Variants in OSBPL6 observed in about 807,000 individuals in gnomAD.
OSBPL6 encodes the protein oxysterol binding protein like 6, also known as oxysterol-binding protein-related protein 6.
Under a neutral mutation model 125.8 loss-of-function variants are expected in OSBPL6, and 49 were observed. The observed-to-expected ratio is 0.39, with a 90% CI of 0.31 to 0.49. The LOEUF (loss-of-function observed/expected upper bound fraction) is 0.49. OSBPL6 is among the 20% of genes least tolerant of loss of function. The pLI, the probability that OSBPL6 is intolerant of heterozygous loss-of-function variation, is 0.88. For missense variants in OSBPL6, 986 were observed against 1,135.4 expected, an observed-to-expected ratio of 0.87 and a Z score of 1.89; for synonymous variants, 394 against 391.8, an observed-to-expected ratio of 1.01 and a Z score of -0.07.
In OSBPL6 at chr2:178,204,025, C is replaced by CTTTTTTTTTTTT. The variant is rs1166160655; in HGVS notation, c.-351+9358_-351+9369dup. Among the ~76,000 whole-genome samples the CTTTTTTTTTTTT allele has an allele frequency of 4.7e-4, 60 of 128,934 alleles. 1 individual carries two copies. The highest frequency in any genetic ancestry group is 6.6e-4 in the Non-Finnish European group (40 of 60,848). The allele number at this position is 128,934 out of a possible 152,430, so 84.6% of individuals were successfully genotyped here. On this transcript the variant is annotated intron_variant, in intron 1 of 24. Transcript: ENST00000190611. ...ACTGAATTCTTTTCTTTTTCTTTTT[C>CTTTTTTTTTTTT]TTTTTTTTTTTTTTTTTTGAGACAA...
intron 12 of OSBPL6, among the ~76,000 whole-genome samples, chr2:178,355,207 A>G (rs145262757): frequency 0.061 from 9,326 of 152,170 alleles, 363 homozygotes; most frequent in South Asian, 0.15. Context: ...AAATTCAAAA[A>G]CTAGCAGAAG....
intron 11 of OSBPL6, among the ~76,000 whole-genome samples, chr2:178,340,989 A>G (rs1690141036): frequency 6.6e-6 from 1 of 152,162 alleles, no homozygotes; most frequent in Admixed American, 6.5e-5. Flanking sequence ...CTGTTCATAA[A>G]ATTAATATTG....
intron 1 of OSBPL6, among the ~76,000 whole-genome samples, chr2:178,276,743 T>A (rs1284427396): frequency 2.0e-5 from 3 of 151,954 alleles, no homozygotes; most frequent in African/African-American, 7.3e-5. Flanking sequence ...CCTCAGAACT[T>A]CTTCATTTTG....
chr2:178,210,132 G>A lies in OSBPL6; in HGVS notation c.-351+15458G>A, dbSNP rs2089777000. Among the ~76,000 whole-genome samples the A allele has an allele frequency of 2.0e-5, 3 of 152,178 alleles. No individual in the cohort carries two copies. In the South Asian group the frequency reaches 6.2e-4, roughly 32 times the overall value. On this transcript the variant is annotated intron_variant, in intron 1 of 24. Coordinates refer to ENST00000190611, the MANE Select transcript of OSBPL6 (RefSeq NM_032523.4). The stretch of plus-strand genomic sequence containing the variant: ...CCTCCCGGGTTGAAGAGATTCTCCT[G>A]CCTCAGCGTCCTGAGTAGCTGGGAT...
At chr2:178,235,144 G>T (rs1033227576) in intron 1 of OSBPL6, among the ~76,000 whole-genome samples, 1 of 152,112 alleles carries the variant, frequency 6.6e-6, no homozygotes, top group Admixed American at 6.5e-5. Flanking sequence ...ACAGTATGCA[G>T]TAGAATATAT....
intron 1 of OSBPL6, among the ~76,000 whole-genome samples, chr2:178,246,365 T>G (rs1039039062): frequency 6.6e-6 from 1 of 152,146 alleles, no homozygotes; most frequent in Non-Finnish European, 1.5e-5. Flanking sequence ...CCTGTGGCTC[T>G]GGGCACCTTC....
chr2:178,238,486 C>T (rs906768340), intron 1 of OSBPL6, among the ~76,000 whole-genome samples: 2 of 151,994 alleles, frequency 1.3e-5, no homozygotes, highest in African/African-American at 4.8e-5. Context: ...CCATAAAGTA[C>T]CTCTTTTAAG....
At chr2:178,251,392 A>G (rs1328085157) in intron 1 of OSBPL6, among the ~76,000 whole-genome samples, 2 of 151,504 alleles carry the variant, frequency 1.3e-5, no homozygotes, top group African/African-American at 4.9e-5. Flanking sequence ...GCTCCTCTCA[A>G]CTAGAAGAAT....
chr2:178,344,246 C>T (rs1559271210), intron 11 of OSBPL6: 44 of 1,530,500 alleles, frequency 2.9e-5, no homozygotes, highest in Non-Finnish European at 3.4e-5. Context: ...TTTCCTCCCC[C>T]GTCCTGTGTT....
intron 15 of OSBPL6, among the ~76,000 whole-genome samples, chr2:178,378,867 T>C (rs1313722885): frequency 6.6e-6 from 1 of 152,086 alleles, no homozygotes; most frequent in Non-Finnish European, 1.5e-5. Context: ...TGGGAGAGAT[T>C]AGAAATTGAA....
intron 1 of OSBPL6, among the ~76,000 whole-genome samples, chr2:178,226,796 CT>C (rs1375291033): frequency 6.6e-6 from 1 of 152,066 alleles, no homozygotes; most frequent in Non-Finnish European, 1.5e-5. Context: ...CCTTAGTTTT[CT>C]TTAAGACTTT....
At chr2:178,380,620 A>G (rs1321489147) in intron 15 of OSBPL6, among the ~76,000 whole-genome samples, 1 of 152,128 alleles carries the variant, frequency 6.6e-6, no homozygotes, top group African/African-American at 2.4e-5. Context: ...CAGGAGAGCA[A>G]TTTGGCAACA....
intron 1 of OSBPL6, among the ~76,000 whole-genome samples, chr2:178,236,576 G>A (rs144089954): frequency 2.6e-5 from 4 of 152,234 alleles, no homozygotes; most frequent in Non-Finnish European, 4.4e-5. Flanking sequence ...ATGTGCTGTG[G>A]GAGATACCAG....
intron 1 of OSBPL6, among the ~76,000 whole-genome samples, chr2:178,217,349 A>C (rs1027453506): frequency 6.6e-6 from 1 of 152,238 alleles, no homozygotes; most frequent in Admixed American, 6.5e-5. Flanking sequence ...GAGGCATGAC[A>C]AATACCATGA....
At chr2:178,388,867 A>T (rs1347669100) in intron 20 of OSBPL6, 142 bp from the exon 21 acceptor site, 5 of 865,246 alleles carry the variant, frequency 5.8e-6, no homozygotes, top group African/African-American at 1.7e-5. Context: ...ATACTTAATG[A>T]CCACAGAGAG....
chr2:178,385,566 G>A (rs1694869502), intron 19 of OSBPL6, 45 bp downstream of exon 19: 1 of 1,432,808 alleles, frequency 7.0e-7, no homozygotes, highest in Non-Finnish European at 9.8e-7. Flanking sequence ...ATGAGCCTAT[G>A]AAAAAATATC....
At chr2:178,318,029 T>TTA (rs1687918505) in intron 3 of OSBPL6, among the ~76,000 whole-genome samples, 1 of 152,214 alleles carries the variant, frequency 6.6e-6, no homozygotes, top group Non-Finnish European at 1.5e-5. Flanking sequence ...TTAGTTATGC[T>TTA]GTTGAGTGTT....
intron 3 of OSBPL6, among the ~76,000 whole-genome samples, chr2:178,316,512 T>C (rs567960855): frequency 1.3e-5 from 2 of 152,282 alleles, no homozygotes; most frequent in Non-Finnish European, 2.9e-5. Flanking sequence ...TGTGGGAACC[T>C]TTTACTTTTA....
intron 5 of OSBPL6, 77 bp from the exon 6 acceptor site, chr2:178,331,475 A>G: frequency 1.4e-6 from 2 of 1,448,694 alleles, no homozygotes; most frequent in Non-Finnish European, 1.9e-6. Flanking sequence ...AATGCCAAGC[A>G]ACATTAGACC....
Sources: gnomAD v4.1 joint callset for allele counts (sites outside exome capture counted in the v4.1 genomes callset) on GRCh38, gnomAD v4.1.1 for gene constraint, MANE v1.5 for transcripts, NCBI Gene and HGNC (gene_info 2026-07-23, HGNC 2026-07-21) for gene names.